SLC35D2: variants seen among roughly 807,000 people sequenced by gnomAD.
SLC35D2 encodes solute carrier family 35 member D2, also known as nucleotide sugar transporter SLC35D2.
SLC35D2 carries 43 observed loss-of-function variants against 41.8 expected under a neutral mutation model. The ratio of observed to expected loss-of-function variants is 1.03; its 90% confidence interval spans 0.81 to 1.33. The LOEUF is 1.33. SLC35D2 is among the 40% of genes most tolerant of loss of function. The pLI is 0.00. For synonymous variants in SLC35D2, 150 were observed against 163.9 expected (o/e 0.92, Z 0.65); for missense variants, 380 against 408.4 (o/e 0.93, Z 0.60).
intron 4 of SLC35D2, among the ~76,000 whole-genome samples, chr9:96,355,417 G>A (rs561383021): frequency 1.3e-5 from 2 of 152,006 alleles, no homozygotes; most frequent in Admixed American, 6.6e-5. Context: ...ACAGGAGGTC[G>A]AGGCTACTGC....
chr9:96,317,194 A>C (rs371938775), downstream of SLC35D2, among the ~76,000 whole-genome samples: 95 of 152,280 alleles, frequency 6.2e-4, 3 homozygotes, highest in South Asian at 0.019. Context: ...CAAATGGTGT[A>C]ACTGTTATTT....
chr9:96,315,418 G>T (rs1351240376), intron 11 of SLC35D2, among the ~76,000 whole-genome samples: 2 of 125,650 alleles, frequency 1.6e-5, no homozygotes, highest in Non-Finnish European at 3.5e-5. Flanking sequence ...GAGCTACTGT[G>T]CCCGGCCTTC....
At chr9:96,339,710 T>C (rs1038334890) in intron 8 of SLC35D2, among the ~76,000 whole-genome samples, 31 of 152,300 alleles carry the variant, frequency 2.0e-4, no homozygotes, top group African/African-American at 6.7e-4. Context: ...TTTGAACCTA[T>C]TGCAGTGATT....
At chr9:96,359,153 A>C (rs1161593406) in intron 4 of SLC35D2, among the ~76,000 whole-genome samples, 2 of 151,760 alleles carry the variant, frequency 1.3e-5, no homozygotes, top group African/African-American at 2.4e-5. Flanking sequence ...AAATACAAAA[A>C]ATTAGCCGGG....
chr9:96,351,102 C>A lies in SLC35D2; in HGVS notation c.488+1G>T, dbSNP rs1002796296. On this transcript the variant is annotated splice_donor_variant, in intron 6 of 11. Transcript: ENST00000253270. LOFTEE classifies it high-confidence loss of function. The stretch of plus-strand genomic sequence containing the variant: ...TGAGCAGAAACAGTCCAAAGTCTTA[C>A]CCAGCTGCTATGAAAGCCCCGAGAA... 4 of 1,608,112 alleles carry A rather than the reference C, an allele frequency of 2.5e-6. No individual in the cohort carries two copies. In the African/African-American group the frequency reaches 4.0e-5, roughly 16 times the overall value.
At chr9:96,371,765 C>G (rs1400920272) in intron 1 of SLC35D2, among the ~76,000 whole-genome samples, 1 of 116,668 alleles carries the variant, frequency 8.6e-6, no homozygotes, top group Admixed American at 1.2e-4. Flanking sequence ...CTCGCTCTGT[C>G]GCCCAGGCTG....
intron 9 of SLC35D2, among the ~76,000 whole-genome samples, chr9:96,325,299 G>A (rs1828469913): frequency 6.6e-6 from 1 of 152,212 alleles, no homozygotes; most frequent in African/African-American, 2.4e-5. Context: ...CAGATCAGAT[G>A]ATGGAATGTT....
intron 6 of SLC35D2, among the ~76,000 whole-genome samples, chr9:96,349,457 G>A (rs1049685808): frequency 4.6e-5 from 7 of 151,998 alleles, no homozygotes; most frequent in Non-Finnish European, 8.8e-5. Context: ...CCGCTCTCCC[G>A]TGATCTCTAC....
chr9:96,379,895 A>C (rs1831117181), intron 1 of SLC35D2, among the ~76,000 whole-genome samples: 1 of 146,356 alleles, frequency 6.8e-6, no homozygotes, highest in Non-Finnish European at 1.5e-5. Flanking sequence ...GAAAGGCTAG[A>C]GCCTTTTTTT....
intron 7 of SLC35D2, 98 bp from the exon 8 acceptor site, chr9:96,344,094 A>G (rs1281224403): frequency 4.4e-6 from 3 of 687,036 alleles, no homozygotes; most frequent in South Asian, 4.2e-5. Context: ...GCGAAGTTAG[A>G]ATGTGCATTC....
Position 96,336,705 on chromosome 9 carries a change from ATGGT to A in SLC35D2, c.752+8_752+11del, listed in dbSNP as rs1564094520. On this transcript the variant is annotated splice_region_variant and intron_variant, in intron 9 of 11. Coordinates refer to ENST00000253270, the MANE Select transcript of SLC35D2 (RefSeq NM_007001.3). ...TGTTGACCAATGCTTCTACTTATCT[ATGGT>A]TTCTTACCCCAAAAAACAGGAAAGA... 3 of 1,511,688 alleles carry A rather than the reference ATGGT, an allele frequency of 2.0e-6. No homozygotes were observed. The highest frequency in any genetic ancestry group is 2.7e-6 in the Non-Finnish European group (3 of 1,095,998). 93.6% of individuals were successfully genotyped at this position (1,511,688 alleles called of 1,614,324 possible). A position where few individuals can be genotyped will look rare whatever the true frequency, so the allele number is the denominator to read the frequency against.
intron 9 of SLC35D2, among the ~76,000 whole-genome samples, chr9:96,335,986 G>A (rs1829032937): frequency 6.7e-6 from 1 of 149,750 alleles, no homozygotes; most frequent in Non-Finnish European, 1.5e-5. Flanking sequence ...GGAGGCAGAG[G>A]TTGCAGTAAG....
intron 9 of SLC35D2, among the ~76,000 whole-genome samples, chr9:96,335,778 G>T (rs1040654511): frequency 6.6e-6 from 1 of 152,114 alleles, no homozygotes. Context: ...ACGGGGCCAG[G>T]CGCGGTGGCT....
At chr9:96,352,446 C>T (rs1829849580) in intron 4 of SLC35D2, among the ~76,000 whole-genome samples, 2 of 152,138 alleles carry the variant, frequency 1.3e-5, no homozygotes, top group South Asian at 4.2e-4. Context: ...CTCAGCCTCC[C>T]AAGTAGCTGA....
At chr9:96,332,639 C>T (rs940077175) in intron 9 of SLC35D2, among the ~76,000 whole-genome samples, 8 of 151,658 alleles carry the variant, frequency 5.3e-5, no homozygotes, top group Admixed American at 1.3e-4. Context: ...ATTAGCCAGG[C>T]GCAGTGGTGG....
At chr9:96,373,422 C>T (rs557910114) in intron 1 of SLC35D2, among the ~76,000 whole-genome samples, 1 of 152,230 alleles carries the variant, frequency 6.6e-6, no homozygotes, top group East Asian at 1.9e-4. Context: ...GGAGTGGTAG[C>T]TTACACCTGT....
chr9:96,372,066 C>T (rs1830722240), intron 1 of SLC35D2, among the ~76,000 whole-genome samples: 1 of 152,184 alleles, frequency 6.6e-6, no homozygotes, highest in Non-Finnish European at 1.5e-5. Flanking sequence ...TATGGCAATA[C>T]CCATCTAAAT....
chr9:96,347,180 ATG>A (rs1371277769), intron 6 of SLC35D2, among the ~76,000 whole-genome samples: 1 of 152,154 alleles, frequency 6.6e-6, no homozygotes, highest in Admixed American at 6.6e-5. Context: ...ACCTACCCAC[ATG>A]TGATTCAGCG....
chr9:96,350,836 G>A (rs1829780889), intron 6 of SLC35D2: 1 of 301,948 alleles, frequency 3.3e-6, no homozygotes, highest in African/African-American at 2.1e-5. Context: ...AGTAAGAAAT[G>A]TAAACAGTTC....
Sources: allele counts gnomAD v4.1 joint callset (sites outside exome capture counted in the v4.1 genomes callset), GRCh38; gene constraint gnomAD v4.1.1; transcripts MANE v1.5; gene names NCBI Gene and HGNC (gene_info 2026-07-23, HGNC 2026-07-21).